The following PLIN4 variants were observed in gnomAD, a reference collection of about 807,000 sequenced individuals.
PLIN4 encodes perilipin-4.
PLIN4 carries 57 observed loss-of-function variants against 52.4 expected under a neutral mutation model. That is an observed-to-expected ratio of 1.09 (90% CI 0.88 to 1.36). PLIN4 has a LOEUF of 1.36. PLIN4 is among the 40% of genes most tolerant of loss of function. PLIN4 has a pLI of 0.00. For missense variants in PLIN4, 1,757 were observed against 1,770.3 expected (o/e 0.99, Z 0.13); for synonymous variants, 826 against 785.4 (o/e 1.05, Z -0.86).
chr19:4,511,038 C>G lies in PLIN4; in HGVS notation c.2922G>C (p.Val974=), dbSNP rs547026522. 2 of 1,613,472 alleles carry G rather than the reference C, an allele frequency of 1.2e-6. No homozygotes were observed. The highest frequency in any genetic ancestry group is 1.1e-5 in the South Asian group (1 of 91,082). ...VTTGVTGAVN[V]AKGTVQTGVD... ...CGCCGGTCTGCACGGTTCCTTTGGC[C>G]ACATTCACTGCCCCCGTGACTCCAG... The change falls in exon 5 of 8, where the codon GTG becomes GTC. Residue 974 remains valine (V), a synonymous_variant. Coordinates refer to ENST00000301286, the MANE Select transcript of PLIN4 (RefSeq NM_001367868.2).
chr19:4,515,569 A>C (rs1019531616), intron 4 of PLIN4, among the ~76,000 whole-genome samples: 4 of 152,072 alleles, frequency 2.6e-5, no homozygotes. Flanking sequence ...GTGCCCGGCC[A>C]AGGTGCTATT....
At position 4,504,360 on chromosome 19, in the gene PLIN4, G is replaced by A. The variant is rs1431868578; in HGVS notation, c.*99C>T. On this transcript the variant is annotated 3_prime_UTR_variant, in exon 8 of 8. Transcript: ENST00000301286. ...GCAGCCCCAAAGGTCTAGGGCTTTA[G>A]GGAACCGATCCAGGTTTGGGGGCGG... 10 of 1,239,306 alleles carry A rather than the reference G, an allele frequency of 8.1e-6. No individual in the cohort carries two copies. The highest frequency in any genetic ancestry group is 1.1e-5 in the Non-Finnish European group (10 of 922,506). 76.8% of individuals were successfully genotyped at this position (1,239,306 alleles called of 1,614,324 possible).
In PLIN4 at chr19:4,512,915, TG is replaced by T; in HGVS notation, c.1044del (p.Gly350GlufsTer14). On this transcript the variant is annotated frameshift_variant, in exon 5 of 8. Transcript: ENST00000301286. LOFTEE classifies it high-confidence loss of function. ...CSGVTGAMNV[A>X]KGTIQTGVDT... ...TCCACGCCGGTCTGGATGGTTCCTT[TG>T]GCCACATTCATGGCACCAGTCACCC... 2 of 1,577,202 alleles carry T rather than the reference TG, an allele frequency of 1.3e-6. 1 individual carries two copies. Among genetic ancestry groups the T allele is most frequent in the Non-Finnish European group, 1.7e-6 (2 of 1,175,172 alleles).
In PLIN4 at chr19:4,513,489, A is replaced by G. The variant is rs1326943706; in HGVS notation, c.471T>C (p.Gly157=). 4 of 1,611,964 alleles carry G rather than the reference A, an allele frequency of 2.5e-6. No individual in the cohort carries two copies. In the Admixed American group the frequency reaches 6.7e-5, roughly 27 times the overall value. The stretch of plus-strand genomic sequence containing the variant: ...TGAGGACAGCCTTCGAGGTGTCCAG[A>G]CCCCCTTGGACGGCCCCCTTAGCCA... The part of the protein sequence containing the change: ...MDMAKGAVQG[G]LDTSKAVLTG... The change falls in exon 5 of 8, where the codon GGT becomes GGC. Residue 157 remains glycine, a synonymous_variant. Transcript: ENST00000301286.
chr19:4,517,980 G>A (rs1465043528), intron 2 of PLIN4, among the ~76,000 whole-genome samples: 1 of 152,234 alleles, frequency 6.6e-6, no homozygotes, highest in Admixed American at 6.5e-5. Flanking sequence ...CTCAGAGAGG[G>A]GCGGAGCTGA....
At position 4,510,798 on chromosome 19, in the gene PLIN4, G is replaced by A. The variant is rs760348407; in HGVS notation, c.3162C>T (p.Asn1054=). ...AGGTGGCGGGGGTACTAGGTAACCA[G>A]TTCTGGAAGGTGCTGAGGCCAGTGT... The part of the protein sequence containing the change: ...ATHTGLSTFQ[N]WLPSTPATSW... Residue 1054 remains asparagine (N), a synonymous_variant, in exon 5 of 8, where the codon AAC becomes AAT. Transcript: ENST00000301286. The A allele has an allele frequency of 1.2e-6, 2 of 1,604,096 alleles. No individual in the cohort carries two copies. Among genetic ancestry groups the A allele is most frequent in the Non-Finnish European group, 8.5e-7 (1 of 1,173,332 alleles).
At chr19:4,517,761 G>T in intron 2 of PLIN4, 63 bp from the exon 3 acceptor site, 15 of 1,526,004 alleles carry the variant, frequency 9.8e-6, no homozygotes, top group Non-Finnish European at 1.3e-5. Flanking sequence ...CGGGTCAGAG[G>T]AAGCATCGAT....
intron 6 of PLIN4, among the ~76,000 whole-genome samples, chr19:4,508,370 G>A (rs1375045761): frequency 1.3e-5 from 2 of 152,126 alleles, no homozygotes; most frequent in Admixed American, 6.5e-5. Context: ...TCGCCTCCCA[G>A]ATTCTCCTGC....
At chr19:4,506,185 C>T (rs1017380586) in intron 6 of PLIN4, among the ~76,000 whole-genome samples, 8 of 152,226 alleles carry the variant, frequency 5.3e-5, no homozygotes, top group Non-Finnish European at 8.8e-5. Context: ...CTCCAGGGCT[C>T]CCAACTCCCT....
rs370291369 is a variant in PLIN4, at chr19:4,511,215, G to A, written c.2745C>T (p.Thr915=). Residue 915 remains threonine (T), a synonymous_variant, in exon 5 of 8, where the codon ACC becomes ACT. Transcript: ENST00000301286. ...GGACAGTCTTGCTGGTGTCCACGCC[G>A]GTCTGGACAGTCCCTTTGGCCAAGT... The part of the protein sequence containing the change: ...AVNLAKGTVQ[T]GVDTSKTVLT... 50 of 1,612,562 alleles carry A rather than the reference G, an allele frequency of 3.1e-5. No individual in the cohort carries two copies. The Admixed American group carries it at 3.5e-4, about 11-fold the overall frequency.
At position 4,516,628 on chromosome 19, in the gene PLIN4, G is replaced by GT. The variant is rs766406145; in HGVS notation, c.246dup (p.Pro83ThrfsTer36). ...GCACATCCTCTCACCTTTTCCGAAG[G>GT]TTGCAGCTCCTTCTCCGTCCATGGG... is the stretch of plus-strand genomic sequence containing the variant. On this transcript the variant is annotated frameshift_variant, in exon 4 of 8. Transcript: ENST00000301286. LOFTEE classifies it high-confidence loss of function. 6.2e-7 allele frequency: 1 copy of GT among 1,604,884 alleles called. No homozygotes were observed. The highest frequency in any genetic ancestry group is 8.5e-7 in the Non-Finnish European group (1 of 1,175,874).
Position 4,502,316 on chromosome 19 carries a change from T to G in PLIN4, c.*2143A>C, listed in dbSNP as rs955510766. ...GCCCGTTTGGGACTGGGTTGAGCCA[T>G]CAGGCCACCGTGAGAAGCGACTAAA... On this transcript the variant is annotated 3_prime_UTR_variant, in exon 8 of 8. Transcript: ENST00000301286. 2.2e-6 allele frequency: 1 copy of G among 444,544 alleles called. No individual in the cohort carries two copies. Among genetic ancestry groups the G allele is most frequent in the Non-Finnish European group, 4.1e-6 (1 of 243,336 alleles). The allele number at this position is 444,544 out of a possible 1,614,324, so 27.5% of individuals were successfully genotyped here. A position where few individuals can be genotyped will look rare whatever the true frequency, so the allele number is the denominator to read the frequency against.
At chr19:4,518,099 C>A in intron 2 of PLIN4, 123 bp downstream of exon 2, 1 of 868,946 alleles carries the variant, frequency 1.2e-6, no homozygotes, top group Non-Finnish European at 1.5e-6. Flanking sequence ...CCAGACCGCC[C>A]CCACCAGCCC....
At chr19:4,508,398 C>T (rs1976164039) in intron 6 of PLIN4, among the ~76,000 whole-genome samples, 1 of 152,220 alleles carries the variant, frequency 6.6e-6, no homozygotes, top group Non-Finnish European at 1.5e-5. Context: ...TCCCAAGTAG[C>T]TGGGATTACA....
chr19:4,517,367 G>A (rs879907917), intron 3 of PLIN4, among the ~76,000 whole-genome samples, 187 bp downstream of exon 3: 2 of 152,104 alleles, frequency 1.3e-5, no homozygotes, highest in Admixed American at 6.5e-5. Flanking sequence ...AGCCACCTTC[G>A]GCCACTCACC....
rs547630066 is a variant in PLIN4 at position 4,510,465 on chromosome 19, G to A, written c.3495C>T (p.Pro1165=). 7.0e-7 allele frequency: 1 copy of A among 1,427,472 alleles called. No homozygotes were observed. 88.4% of individuals were successfully genotyped at this position (1,427,472 alleles called of 1,614,324 possible). The change falls in exon 5 of 8, where the codon CCC becomes CCT. Residue 1165 remains proline (P), a synonymous_variant. Coordinates refer to ENST00000301286, the MANE Select transcript of PLIN4 (RefSeq NM_001367868.2). ...CCTCACCTTGCTCCTCCGCATTCAT[G>A]GGGTGGAAGATGTCCCCCAGCCCCT... ...ELEGLGDIFH[P]MNAEEQAQLA...
chr19:4,515,436 T>C (rs1976560351), intron 4 of PLIN4, among the ~76,000 whole-genome samples: 1 of 151,702 alleles, frequency 6.6e-6, no homozygotes, highest in Non-Finnish European at 1.5e-5. Flanking sequence ...GCCCAGCTAA[T>C]TTTTGTATTT....
Position 4,504,296 on chromosome 19 carries a change from A to T in PLIN4, c.*163T>A. On this transcript the variant is annotated 3_prime_UTR_variant, in exon 8 of 8. Coordinates refer to ENST00000301286, the MANE Select transcript of PLIN4 (RefSeq NM_001367868.2). ...AGGGCGTGGGGTGGCTCAGTTAAGA[A>T]GGTCACTGCCTCCGCAGCCCCTCGG... 1.4e-6 allele frequency: 1 copy of T among 696,290 alleles called. No individual in the cohort carries two copies. The highest frequency in any genetic ancestry group is 1.8e-5 in the African/African-American group (1 of 55,530). 43.1% of individuals were successfully genotyped at this position (696,290 alleles called of 1,614,324 possible). A position where few individuals can be genotyped will look rare whatever the true frequency, so the allele number is the denominator to read the frequency against.
At position 4,511,096 on chromosome 19, in the gene PLIN4, G is replaced by T. The variant is rs549085479; in HGVS notation, c.2864C>A (p.Thr955Lys). 3.7e-6 allele frequency: 6 copies of T among 1,610,828 alleles called. No individual in the cohort carries two copies. The highest frequency in any genetic ancestry group is 2.7e-5 in the African/African-American group (2 of 74,830). Residue 955 changes from threonine to lysine, a missense_variant, in exon 5 of 8, where the codon ACG becomes AAG. By Grantham distance (78) the Thr-to-Lys change is moderately conservative (BLOSUM62 -1). Transcript: ENST00000301286. ...TVQTGVDTAK[T>K]VLSGAKDAVT... ...TGCATCCTTAGCGCCACTCAGCACC[G>T]TCTTGGCTGTGTCCACACCTGTCTG...
Sources: gnomAD v4.1 joint callset for allele counts (sites outside exome capture counted in the v4.1 genomes callset) on GRCh38, gnomAD v4.1.1 for gene constraint, MANE v1.5 for transcripts, NCBI Gene and HGNC (gene_info 2026-07-23, HGNC 2026-07-21) for gene names.